The following MECOM variants were observed in gnomAD, a reference collection of about 807,000 sequenced individuals.
The protein encoded by MECOM is MDS1 and EVI1 complex locus, also known as histone-lysine N-methyltransferase MECOM.
MECOM carries 13 observed loss-of-function variants against 116.3 expected under a neutral mutation model. The ratio of observed to expected loss-of-function variants is 0.11; its 90% CI spans 0.07 to 0.18. MECOM has a LOEUF of 0.18. MECOM is among the 10% of genes least tolerant of loss of function. The probability of loss-of-function intolerance (pLI) is 1.00; values close to 1 mark genes in which losing one functional copy is unlikely to be tolerated. For synonymous variants in MECOM, 528 were observed against 535.2 expected, an observed-to-expected ratio of 0.99 and a Z score of 0.19; for missense variants, 1,299 against 1,509.0, an observed-to-expected ratio of 0.86 and a Z score of 2.31.
chr3:169,552,116 C>T (rs73174349), intron 1 of MECOM, among the ~76,000 whole-genome samples: 1 of 147,144 alleles, frequency 6.8e-6, no homozygotes, highest in Non-Finnish European at 1.5e-5. Flanking sequence ...AGTGGTAATG[C>T]TTATACAACT....
intron 1 of MECOM, among the ~76,000 whole-genome samples, chr3:169,485,941 G>GTA (rs1214145629): frequency 1.4e-4 from 5 of 36,014 alleles, no homozygotes; most frequent in African/African-American, 2.7e-4. Flanking sequence ...TAGTATATAT[G>GTA]TATGTATATA....
intron 1 of MECOM, among the ~76,000 whole-genome samples, chr3:169,469,289 T>G (rs1270938906): frequency 6.6e-6 from 1 of 152,016 alleles, no homozygotes; most frequent in Non-Finnish European, 1.5e-5. Context: ...TGTGGAACAG[T>G]AAGAAGTACA....
intron 2 of MECOM, among the ~76,000 whole-genome samples, chr3:169,244,012 T>C (rs1444657288): frequency 6.6e-6 from 1 of 152,180 alleles, no homozygotes; most frequent in African/African-American, 2.4e-5. Context: ...GCCTTCATTA[T>C]GATGTGGGAT....
intron 2 of MECOM, among the ~76,000 whole-genome samples, chr3:169,267,871 G>A (rs1183512679): frequency 6.6e-6 from 1 of 152,068 alleles, no homozygotes; most frequent in South Asian, 2.1e-4. Flanking sequence ...GGAAAAGGAA[G>A]AGAAGACTCC....
At chr3:169,132,291 G>A (rs1253216816) in intron 3 of MECOM, among the ~76,000 whole-genome samples, 2 of 152,210 alleles carry the variant, frequency 1.3e-5, no homozygotes, top group Non-Finnish European at 2.9e-5. Context: ...AGTGGAGCAA[G>A]TGTGGAAAGA....
chr3:169,383,123 C>T (rs1732759294), intron 1 of MECOM, among the ~76,000 whole-genome samples: 1 of 152,118 alleles, frequency 6.6e-6, no homozygotes, highest in African/African-American at 2.4e-5. Flanking sequence ...CTATAACACT[C>T]ATCATCAATT....
intron 2 of MECOM, among the ~76,000 whole-genome samples, chr3:169,354,106 A>T (rs1158863197): frequency 4.6e-5 from 7 of 151,906 alleles, no homozygotes; most frequent in Non-Finnish European, 2.9e-5. Context: ...AAGATTTTCC[A>T]TTGAGAGTGG....
rs373451242 is a variant in MECOM at position 169,090,008 on chromosome 3, G to A, written c.3393C>T (p.Ser1131=). The change falls in exon 15 of 17, where the codon TCC becomes TCT. Residue 1131 remains serine (S), a synonymous_variant. Coordinates refer to ENST00000651503, the MANE Select transcript of MECOM (RefSeq NM_004991.4). ...TCACCCAAGGTACTCACCTCACTGG[G>A]GATGTCTTGCAACTCATCTCCAGGG... ...TSALEMSCKT[S]PVRYKEEEYK... The A allele has an allele frequency of 3.1e-6, 5 of 1,612,738 alleles. No individual in the cohort carries two copies. Among genetic ancestry groups the A allele is most frequent in the Non-Finnish European group, 4.2e-6 (5 of 1,179,370 alleles).
chr3:169,612,042 G>A (rs1005955835), intron 1 of MECOM, among the ~76,000 whole-genome samples: 3 of 152,074 alleles, frequency 2.0e-5, no homozygotes, highest in Non-Finnish European at 2.9e-5. Context: ...CCAACCTCCC[G>A]AATCTCTAGT....
chr3:169,490,059 C>T (rs1466996170), intron 1 of MECOM, among the ~76,000 whole-genome samples: 1 of 152,000 alleles, frequency 6.6e-6, no homozygotes, highest in Non-Finnish European at 1.5e-5. Context: ...ATACAAAATC[C>T]ACAGAAATGA....
chr3:169,384,272 G>T (rs1475400884), intron 1 of MECOM, among the ~76,000 whole-genome samples: 2 of 152,026 alleles, frequency 1.3e-5, no homozygotes, highest in African/African-American at 4.8e-5. Flanking sequence ...GGAAACTTTT[G>T]ATCCTACAAA....
chr3:169,086,598 G>T, intron 16 of MECOM: 3 of 700,070 alleles, frequency 4.3e-6, no homozygotes, highest in Non-Finnish European at 7.8e-6. Flanking sequence ...AACAGTATTG[G>T]CCTCCAAGAG....
chr3:169,441,560 C>G (rs771927593), intron 1 of MECOM, among the ~76,000 whole-genome samples: 4 of 152,026 alleles, frequency 2.6e-5, no homozygotes, highest in Non-Finnish European at 5.9e-5. Context: ...AGATGCACAA[C>G]ATCTCAAATC....
chr3:169,197,629 C>A (rs1226201378), intron 2 of MECOM, among the ~76,000 whole-genome samples: 1 of 151,916 alleles, frequency 6.6e-6, no homozygotes, highest in Non-Finnish European at 1.5e-5. Context: ...TCATAGAATT[C>A]TCTCTGTATA....
chr3:169,221,815 T>C (rs1337962011), intron 2 of MECOM, among the ~76,000 whole-genome samples: 1 of 152,154 alleles, frequency 6.6e-6, no homozygotes, highest in Non-Finnish European at 1.5e-5. Context: ...CACTTGCTTC[T>C]AAATATTTTT....
At chr3:169,601,954 T>C (rs1222846853) in intron 1 of MECOM, among the ~76,000 whole-genome samples, 1 of 152,182 alleles carries the variant, frequency 6.6e-6, no homozygotes, top group Admixed American at 6.5e-5. Flanking sequence ...AATCCACTGC[T>C]GACAATAAAT....
intron 1 of MECOM, among the ~76,000 whole-genome samples, chr3:169,540,093 T>TC (rs1759888763): frequency 6.6e-6 from 1 of 152,132 alleles, no homozygotes; most frequent in South Asian, 2.1e-4. Flanking sequence ...TGCCAAGGAC[T>TC]CCCACATCTG....
chr3:169,084,534 C>T lies in MECOM; in HGVS notation c.*375G>A, dbSNP rs1576800560. 4.0e-6 allele frequency: 1 copy of T among 249,138 alleles called. No individual in the cohort carries two copies. Among genetic ancestry groups the T allele is most frequent in the Non-Finnish European group, 7.8e-6 (1 of 128,702 alleles). 15.4% of individuals were successfully genotyped at this position (249,138 alleles called of 1,614,324 possible). On this transcript the variant is annotated 3_prime_UTR_variant, in exon 17 of 17. Transcript: ENST00000651503. ...TCTTGTACAAAAGAGAATTCAGTTTCTATGGAGTGTTCATTCATATCAATG... is the reference window on the plus strand; with the variant it reads ...TCTTGTACAAAAGAGAATTCAGTTTTTATGGAGTGTTCATTCATATCAATG...
At chr3:169,460,203 T>A (rs1373483294) in intron 1 of MECOM, among the ~76,000 whole-genome samples, 2 of 152,178 alleles carry the variant, frequency 1.3e-5, no homozygotes, top group Non-Finnish European at 2.9e-5. Flanking sequence ...GATAAGTTGT[T>A]TCCTTATATT....
Sources: gnomAD v4.1 joint callset for allele counts (sites outside exome capture counted in the v4.1 genomes callset) on GRCh38, gnomAD v4.1.1 for gene constraint, MANE v1.5 for transcripts, NCBI Gene and HGNC (gene_info 2026-07-23, HGNC 2026-07-21) for gene names.